The following MYO3B variants were observed in gnomAD, a reference collection of about 807,000 sequenced individuals.
MYO3B encodes the protein myosin IIIB.
MYO3B carries 156 observed loss-of-function variants against 174.6 expected under a neutral mutation model. The observed-to-expected ratio is 0.89, with a 90% CI of 0.78 to 1.02. The LOEUF (loss-of-function observed/expected upper bound fraction) is 1.02. Ranked by LOEUF, MYO3B falls within the 50% of genes least tolerant of loss-of-function variation. MYO3B has a pLI of 0.00. For synonymous variants in MYO3B, 563 were observed against 569.1 expected (o/e 0.99, Z 0.15); for missense variants, 1,632 against 1,639.4 (o/e 1.00, Z 0.08).
intron 12 of MYO3B, among the ~76,000 whole-genome samples, chr2:170,385,681 T>G (rs2094368789): frequency 6.6e-6 from 1 of 152,158 alleles, no homozygotes; most frequent in Non-Finnish European, 1.5e-5. Flanking sequence ...AAATGCAGAA[T>G]AAGGCTGCAC....
intron 21 of MYO3B, among the ~76,000 whole-genome samples, chr2:170,406,029 C>A (rs1452709263): frequency 6.6e-6 from 1 of 152,014 alleles, no homozygotes; most frequent in South Asian, 2.1e-4. Flanking sequence ...GTACTTTAAT[C>A]ATATGTCTAA....
intron 7 of MYO3B, among the ~76,000 whole-genome samples, chr2:170,303,233 A>G (rs1353527655): frequency 6.6e-6 from 1 of 152,182 alleles, no homozygotes; most frequent in East Asian, 1.9e-4. Context: ...ATGTATCTAC[A>G]TCTTTGCTGT....
intron 14 of MYO3B, among the ~76,000 whole-genome samples, chr2:170,390,186 C>G (rs946073496): frequency 3.3e-5 from 5 of 152,080 alleles, no homozygotes; most frequent in Non-Finnish European, 7.3e-5. Context: ...CGCCTGTAAT[C>G]CCAGCACTTT....
At chr2:170,393,907 C>T (rs2105774790) in intron 16 of MYO3B, among the ~76,000 whole-genome samples, 1 of 152,172 alleles carries the variant, frequency 6.6e-6, no homozygotes, top group Non-Finnish European at 1.5e-5. Flanking sequence ...GTTAAAGGAC[C>T]TTTGTGGTTA....
chr2:170,401,045 G>A (rs2105794463), intron 17 of MYO3B, among the ~76,000 whole-genome samples: 1 of 152,260 alleles, frequency 6.6e-6, no homozygotes, highest in Non-Finnish European at 1.5e-5. Flanking sequence ...TATTTTTAAA[G>A]TTCCACGGGT....
intron 10 of MYO3B, chr2:170,382,349 C>T (rs933044435): frequency 2.8e-6 from 1 of 359,426 alleles, no homozygotes; most frequent in Admixed American, 3.9e-5. Flanking sequence ...CAATAAAGCT[C>T]TTTATATTGT....
chr2:170,524,377 G>C (rs1688871466), intron 30 of MYO3B: 3 of 365,790 alleles, frequency 8.2e-6, no homozygotes, highest in South Asian at 6.1e-5. Context: ...GGGTCACACA[G>C]AATAAATGGT....
chr2:170,443,179 C>G (rs1024840562), intron 22 of MYO3B, among the ~76,000 whole-genome samples: 117 of 152,280 alleles, frequency 7.7e-4, no homozygotes, highest in African/African-American at 2.6e-3. Flanking sequence ...TTTTTAATGA[C>G]CGCCATTCTA....
intron 1 of MYO3B, 66 bp from the exon 2 acceptor site, chr2:170,199,142 G>A: frequency 9.0e-7 from 1 of 1,107,772 alleles, no homozygotes; most frequent in Non-Finnish European, 1.2e-6. Flanking sequence ...AAATCTTTTT[G>A]TTTCAAAAGT....
intron 32 of MYO3B, among the ~76,000 whole-genome samples, chr2:170,599,236 T>C (rs1694338387): frequency 6.6e-6 from 1 of 152,190 alleles, no homozygotes; most frequent in Non-Finnish European, 1.5e-5. Flanking sequence ...AAGCATAGAA[T>C]ACTGTTCGTA....
At chr2:170,577,048 A>G (rs561960653) in intron 32 of MYO3B, among the ~76,000 whole-genome samples, 1 of 152,290 alleles carries the variant, frequency 6.6e-6, no homozygotes, top group Non-Finnish European at 1.5e-5. Context: ...CTATTGGTTC[A>G]GTTGCATAAG....
intron 7 of MYO3B, among the ~76,000 whole-genome samples, chr2:170,290,581 A>C (rs1356586358): frequency 6.6e-6 from 1 of 151,974 alleles, no homozygotes; most frequent in Non-Finnish European, 1.5e-5. Flanking sequence ...TTTATATGTG[A>C]AGTAGGTTTC....
At chr2:170,400,438 C>T (rs2094467761) in intron 17 of MYO3B, 124 bp downstream of exon 17, 6 of 1,188,644 alleles carry the variant, frequency 5.0e-6, no homozygotes, top group Non-Finnish European at 6.9e-6. Context: ...TGGAGTCTCA[C>T]TCTGTCATCC....
intron 32 of MYO3B, among the ~76,000 whole-genome samples, chr2:170,637,797 A>C (rs1697641344): frequency 6.6e-6 from 1 of 152,180 alleles, no homozygotes; most frequent in Non-Finnish European, 1.5e-5. Flanking sequence ...AGTTGGACCA[A>C]ATTGATTTTA....
At chr2:170,632,669 C>T (rs950399703) in intron 32 of MYO3B, among the ~76,000 whole-genome samples, 1 of 152,042 alleles carries the variant, frequency 6.6e-6, no homozygotes, top group African/African-American at 2.4e-5. Context: ...ACAAAAAACC[C>T]TTCAAAAAAA....
At position 170,519,494 on chromosome 2, in the gene MYO3B, C is replaced by A. The variant is rs184828372; in HGVS notation, c.3529C>A (p.Arg1177Ser). Residue 1177 changes from arginine (R) to serine (S), a missense_variant, in exon 30 of 35, where the codon CGT becomes AGT. Coordinates refer to ENST00000408978, the MANE Select transcript of MYO3B (RefSeq NM_138995.5). ...TTCACAAGCAGAATCCAACAATGGC[C>A]GTACACAGACTTCAAGCAACTCTCC... ...SHSQAESNNG[R>S]TQTSSNSPAV... 167 of 1,613,752 alleles carry A rather than the reference C, an allele frequency of 1.0e-4. No individual in the cohort carries two copies. Among genetic ancestry groups the A allele is most frequent in the Non-Finnish European group, 1.3e-4 (157 of 1,179,962 alleles).
At chr2:170,211,904 C>T (rs1444013458) in intron 3 of MYO3B, among the ~76,000 whole-genome samples, 1 of 151,500 alleles carries the variant, frequency 6.6e-6, no homozygotes, top group Non-Finnish European at 1.5e-5. Flanking sequence ...AAATATAAAC[C>T]CTGATAGTTG....
chr2:170,640,145 G>A (rs1197710294), intron 32 of MYO3B, among the ~76,000 whole-genome samples: 2 of 152,140 alleles, frequency 1.3e-5, no homozygotes, highest in East Asian at 1.9e-4. Context: ...GAAGGAGGAG[G>A]AACTTTGTTT....
chr2:170,623,399 T>C (rs928869239), intron 32 of MYO3B, among the ~76,000 whole-genome samples: 4 of 152,220 alleles, frequency 2.6e-5, no homozygotes, highest in Non-Finnish European at 4.4e-5. Context: ...TCATATACTT[T>C]GCACATTTTT....
Sources: allele counts gnomAD v4.1 joint callset (sites outside exome capture counted in the v4.1 genomes callset), GRCh38; gene constraint gnomAD v4.1.1; transcripts MANE v1.5; gene names NCBI Gene and HGNC (gene_info 2026-07-23, HGNC 2026-07-21).